The following TBL1XR1 variants were observed in gnomAD, a reference collection of about 807,000 sequenced individuals.
The protein encoded by TBL1XR1 is TBL1X/Y related 1.
In TBL1XR1, 5 loss-of-function variants were observed where a neutral mutation model predicts 66.9. That is an observed-to-expected ratio of 0.07 (90% CI 0.04 to 0.16). TBL1XR1 has a LOEUF of 0.16. TBL1XR1 is among the 10% of genes least tolerant of loss of function. TBL1XR1 has a pLI of 1.00. For missense variants in TBL1XR1, 238 were observed against 623.2 expected (o/e 0.38, Z 6.58); for synonymous variants, 210 against 206.0 (o/e 1.02, Z -0.17).
At chr3:177,111,236 C>T (rs1324562731) in intron 1 of TBL1XR1, among the ~76,000 whole-genome samples, 1 of 151,654 alleles carries the variant, frequency 6.6e-6, no homozygotes, top group Non-Finnish European at 1.5e-5. Flanking sequence ...CTGGGTTAGA[C>T]ACACCTGAGT....
chr3:177,149,966 T>G (rs1403951446), intron 1 of TBL1XR1, among the ~76,000 whole-genome samples: 12 of 152,336 alleles, frequency 7.9e-5, no homozygotes, highest in Admixed American at 5.2e-4. Context: ...TAAATAAATC[T>G]TAAAGTGGGT....
Position 177,025,575 on chromosome 3 carries a change from TTTTATG to T in TBL1XR1, c.1519-57_1519-52del, listed in dbSNP as rs1437856229. On this transcript the variant is annotated intron_variant, in intron 15 of 15. Transcript: ENST00000457928. ...AGTGTATTCAGAATTTTATTGTACA[TTTTATG>T]TTTAACTTTTCTATAGTACAATTTG... 3.2e-6 allele frequency: 5 copies of T among 1,563,074 alleles called. No individual in the cohort carries two copies. The African/African-American group carries it at 4.1e-5, about 13-fold the overall frequency.
intron 10 of TBL1XR1, among the ~76,000 whole-genome samples, chr3:177,042,107 T>C (rs1464953742): frequency 1.3e-5 from 2 of 152,230 alleles, no homozygotes; most frequent in African/African-American, 4.8e-5. Flanking sequence ...TGGAACCTAA[T>C]TCAGTAACTA....
intron 1 of TBL1XR1, among the ~76,000 whole-genome samples, chr3:177,190,233 T>A (rs1317471710): frequency 6.6e-6 from 1 of 151,704 alleles, no homozygotes; most frequent in Admixed American, 6.6e-5. Flanking sequence ...GTCAACTTAC[T>A]GTGACACAAT....
intron 1 of TBL1XR1, among the ~76,000 whole-genome samples, chr3:177,124,383 GA>G (rs1333581439): frequency 6.6e-6 from 1 of 152,096 alleles, no homozygotes. Flanking sequence ...TACTTTTAAT[GA>G]CCCATCATTC....
chr3:177,084,019 C>T (rs570919984), intron 2 of TBL1XR1, among the ~76,000 whole-genome samples: 15 of 143,946 alleles, frequency 1.0e-4, no homozygotes, highest in African/African-American at 2.8e-4. Flanking sequence ...ACCCAGGAGG[C>T]GGAGGCTGCA....
At chr3:177,084,079 C>T (rs1721802113) in intron 2 of TBL1XR1, among the ~76,000 whole-genome samples, 1 of 130,288 alleles carries the variant, frequency 7.7e-6, no homozygotes, top group Non-Finnish European at 1.6e-5. Context: ...CAGGGCGAGA[C>T]TCCGTCTCAA....
intron 7 of TBL1XR1, 67 bp downstream of exon 7, chr3:177,049,930 T>A (rs976195473): frequency 3.3e-5 from 51 of 1,545,250 alleles, no homozygotes; most frequent in Admixed American, 2.9e-4. Context: ...AACCCTGCCG[T>A]GAGTATGAGG....
intron 1 of TBL1XR1, among the ~76,000 whole-genome samples, chr3:177,103,628 T>A (rs1724505892): frequency 6.6e-6 from 1 of 152,170 alleles, no homozygotes; most frequent in Non-Finnish European, 1.5e-5. Flanking sequence ...AGTAAATTTA[T>A]TTAATTTATA....
chr3:177,026,997 G>C (rs896793706), intron 14 of TBL1XR1: 1 of 152,686 alleles, frequency 6.5e-6, no homozygotes, highest in Non-Finnish European at 1.5e-5. Flanking sequence ...AATAATGTAT[G>C]TATGTTCCTT....
intron 2 of TBL1XR1, among the ~76,000 whole-genome samples, chr3:177,082,313 A>G (rs1721494248): frequency 6.6e-6 from 1 of 152,088 alleles, no homozygotes; most frequent in Non-Finnish European, 1.5e-5. Context: ...AACCCTTATA[A>G]CATCAAGTAA....
At chr3:177,141,978 C>G (rs1054571085) in intron 1 of TBL1XR1, among the ~76,000 whole-genome samples, 5 of 152,186 alleles carry the variant, frequency 3.3e-5, no homozygotes, top group African/African-American at 1.2e-4. Context: ...ATTCCACTTA[C>G]ATAAGGTACC....
At chr3:177,077,568 G>A (rs760593289) in intron 2 of TBL1XR1, among the ~76,000 whole-genome samples, 1 of 152,168 alleles carries the variant, frequency 6.6e-6, no homozygotes, top group Non-Finnish European at 1.5e-5. Flanking sequence ...GACAGCCTAA[G>A]AGTCTCCTAA....
intron 1 of TBL1XR1, among the ~76,000 whole-genome samples, chr3:177,125,105 A>G (rs558786875): frequency 8.4e-4 from 128 of 152,288 alleles, no homozygotes; most frequent in African/African-American, 3.0e-3. Flanking sequence ...TTTTCATTTC[A>G]AAAGACAACA....
chr3:177,063,549 T>C (rs1201978269), intron 3 of TBL1XR1, among the ~76,000 whole-genome samples: 1 of 152,206 alleles, frequency 6.6e-6, no homozygotes, highest in African/African-American at 2.4e-5. Flanking sequence ...TCCATTTGGG[T>C]TGAAAGTGCT....
chr3:177,184,837 T>C (rs1014782365), intron 1 of TBL1XR1, among the ~76,000 whole-genome samples: 4 of 151,436 alleles, frequency 2.6e-5, no homozygotes, highest in Admixed American at 6.6e-5. Context: ...TCACCACTGG[T>C]CTAAGGACCC....
rs1720452775 is a variant in TBL1XR1, at chr3:177,074,595, G to C, written c.-45-9573C>G. Among the ~76,000 whole-genome samples, 4 of 152,092 alleles carry C rather than the reference G, an allele frequency of 2.6e-5. No individual in the cohort carries two copies. In the South Asian group the frequency reaches 8.3e-4, roughly 32 times the overall value. ...CCACCTTCTCGTGAGCCTGAAATCT[G>C]ATCCCCGGCATTCTAACATCAACGG... On this transcript the variant is annotated intron_variant, in intron 2 of 15. Coordinates refer to ENST00000457928, the MANE Select transcript of TBL1XR1 (RefSeq NM_024665.7).
intron 7 of TBL1XR1, among the ~76,000 whole-genome samples, chr3:177,048,085 C>T (rs1049525132): frequency 1.3e-5 from 2 of 152,092 alleles, no homozygotes; most frequent in Admixed American, 6.6e-5. Flanking sequence ...TTATTAATCC[C>T]TTCCCACTAT....
At position 177,197,201 on chromosome 3, in the gene TBL1XR1, CACCGCCT is replaced by C. The variant is rs1268054379; in HGVS notation, c.-209_-203del. On this transcript the variant is annotated 5_prime_UTR_variant, in exon 1 of 16. Transcript: ENST00000457928. Reference sequence around the variant, plus strand: ...AAATTCCCCTCCTCGCCGCCGCCGCCACCGCCTCCAACCACCCCCAAAATAACCCCTC... The same window carrying C: ...AAATTCCCCTCCTCGCCGCCGCCGCCCCAACCACCCCCAAAATAACCCCTC... 1.3e-5 allele frequency: 2 copies of C among 153,822 alleles called. No individual in the cohort carries two copies. The highest frequency in any genetic ancestry group is 2.9e-5 in the Non-Finnish European group (2 of 68,904). The allele number at this position is 153,822 out of a possible 1,614,324, so 9.5% of individuals were successfully genotyped here. A position where few individuals can be genotyped will look rare whatever the true frequency, so the allele number is the denominator to read the frequency against.
Sources: gnomAD v4.1 joint callset for allele counts (sites outside exome capture counted in the v4.1 genomes callset) on GRCh38, gnomAD v4.1.1 for gene constraint, MANE v1.5 for transcripts, NCBI Gene and HGNC (gene_info 2026-07-23, HGNC 2026-07-21) for gene names.